The following GIT2 variants were observed in gnomAD, a reference collection of about 807,000 sequenced individuals.
GIT2 encodes GIT ArfGAP 2.
GIT2 carries 32 observed loss-of-function variants against 100.3 expected under a neutral mutation model. That is an observed-to-expected ratio of 0.32 (90% CI 0.24 to 0.43). The LOEUF is 0.43. GIT2 is among the 20% of genes least tolerant of loss of function. The pLI is 1.00. For missense variants in GIT2, 737 were observed against 975.1 expected, an observed-to-expected ratio of 0.76 and a Z score of 3.25; for synonymous variants, 353 against 364.1, an observed-to-expected ratio of 0.97 and a Z score of 0.35.
At chr12:109,958,343 G>A (rs1298971985) in intron 12 of GIT2, among the ~76,000 whole-genome samples, 5 of 151,718 alleles carry the variant, frequency 3.3e-5, no homozygotes, top group Non-Finnish European at 4.4e-5. Context: ...CCAGGTTCAC[G>A]CAATTCTCCT....
At chr12:109,952,735 C>G in intron 13 of GIT2, 1 of 465,704 alleles carries the variant, frequency 2.1e-6, no homozygotes, top group Non-Finnish European at 4.2e-6. Context: ...GTGTGTGCTT[C>G]GTATGACACA....
intron 12 of GIT2, among the ~76,000 whole-genome samples, chr12:109,957,599 C>T (rs542343021): frequency 2.4e-3 from 367 of 151,816 alleles, no homozygotes; most frequent in Non-Finnish European, 4.1e-3. Flanking sequence ...CTCCACCTCC[C>T]GGGTTCACGC....
chr12:109,936,365 G>A (rs1412013969), intron 18 of GIT2, among the ~76,000 whole-genome samples: 3 of 151,144 alleles, frequency 2.0e-5, no homozygotes. Flanking sequence ...ATTGTACCAA[G>A]CACCATATTG....
In GIT2 at chr12:109,978,329, C is replaced by T. The variant is rs1024332250; in HGVS notation, c.718+2623G>A. Among the ~76,000 whole-genome samples the T allele has an allele frequency of 2.6e-5, 4 of 152,062 alleles. No individual in the cohort carries two copies. In the East Asian group the frequency reaches 5.8e-4, roughly 22 times the overall value. Reference sequence around the variant, plus strand: ...AACTCCCAACCTCAAATGATCTGCCCGCCTCAGCCTCCCAAAGTGCTGGGA... The same window carrying T: ...AACTCCCAACCTCAAATGATCTGCCTGCCTCAGCCTCCCAAAGTGCTGGGA... On this transcript the variant is annotated intron_variant, in intron 7 of 19. Coordinates refer to ENST00000355312, the MANE Select transcript of GIT2 (RefSeq NM_057169.5).
chr12:109,977,141 T>C (rs1254492319), intron 7 of GIT2, among the ~76,000 whole-genome samples: 1 of 152,200 alleles, frequency 6.6e-6, no homozygotes, highest in African/African-American at 2.4e-5. Flanking sequence ...GTTATTTTCA[T>C]TGGATATAGA....
rs756018967 is a variant in GIT2, at chr12:109,967,512, G to C, written c.719-9C>G. The stretch of plus-strand genomic sequence containing the variant: ...CTGTCCATTTTTGTGATCTGAAACA[G>C]AAACCAAGTCAAAGTTTTGTTCATA... On this transcript the variant is annotated splice_polypyrimidine_tract_variant and intron_variant, in intron 7 of 19. Coordinates refer to ENST00000355312, the MANE Select transcript of GIT2 (RefSeq NM_057169.5). The C allele has an allele frequency of 6.3e-7, 1 of 1,579,206 alleles. No homozygotes were observed. The highest frequency in any genetic ancestry group is 1.3e-5 in the African/African-American group (1 of 74,194).
Position 109,983,359 on chromosome 12 carries a change from T to A in GIT2, c.623+14A>T. The A allele has an allele frequency of 6.2e-7, 1 of 1,609,750 alleles. No homozygotes were observed. The highest frequency in any genetic ancestry group is 2.2e-5 in the East Asian group (1 of 44,880). On this transcript the variant is annotated intron_variant, in intron 6 of 19. Coordinates refer to ENST00000355312, the MANE Select transcript of GIT2 (RefSeq NM_057169.5). ...AAATCCCAGAGAGAAGTAGCGAGAA[T>A]CTAGGTCTCTTACCTTGCATAATCA...
intron 4 of GIT2, among the ~76,000 whole-genome samples, chr12:109,985,227 CAAGT>C (rs2136866313): frequency 6.6e-6 from 1 of 152,062 alleles, no homozygotes; most frequent in South Asian, 2.1e-4. Context: ...CTCAGCCTCC[CAAGT>C]AGCTAGTATT....
Position 109,938,983 on chromosome 12 carries a change from G to A in GIT2, c.1814+182C>T, listed in dbSNP as rs1565934680. The A allele has an allele frequency of 1.0e-5, 6 of 579,606 alleles. No homozygotes were observed. In the East Asian group the frequency reaches 1.5e-4, roughly 14 times the overall value. The allele number at this position is 579,606 out of a possible 1,614,324, so 35.9% of individuals were successfully genotyped here. ...GCTGGTACAAAGAAAAAGGCCTTTCGGCAACAATGTGAGATGACAAGACAT... is the reference window on the plus strand; with the variant it reads ...GCTGGTACAAAGAAAAAGGCCTTTCAGCAACAATGTGAGATGACAAGACAT... On this transcript the variant is annotated intron_variant, in intron 17 of 19. Coordinates refer to ENST00000355312, the MANE Select transcript of GIT2 (RefSeq NM_057169.5).
intron 2 of GIT2, among the ~76,000 whole-genome samples, chr12:109,990,519 G>C (rs1253417397): frequency 2.0e-5 from 3 of 152,156 alleles, no homozygotes; most frequent in Non-Finnish European, 4.4e-5. Context: ...TCCTAAAACA[G>C]CCCCATCTGT....
Position 109,932,970 on chromosome 12 carries a change from T to C in GIT2, c.*8A>G, listed in dbSNP as rs1871913201. 2.6e-6 allele frequency: 4 copies of C among 1,557,466 alleles called. No homozygotes were observed. Among genetic ancestry groups the C allele is most frequent in the Non-Finnish European group, 3.5e-6 (4 of 1,129,254 alleles). On this transcript the variant is annotated 3_prime_UTR_variant, in exon 20 of 20. Coordinates refer to ENST00000355312, the MANE Select transcript of GIT2 (RefSeq NM_057169.5). ...CTAGAAAACAGAGGAGGCGGTGCCC[T>C]GCCCTTGTCAGTTGTTGTTCTCTTT...
chr12:109,989,107 A>G, intron 3 of GIT2, 39 bp from the exon 4 acceptor site: 1 of 1,161,482 alleles, frequency 8.6e-7, no homozygotes, highest in Non-Finnish European at 1.3e-6. Flanking sequence ...TCACTCGTTC[A>G]GATACAACAA....
intron 6 of GIT2, chr12:109,981,248 C>A: frequency 4.1e-6 from 2 of 488,234 alleles, no homozygotes; most frequent in South Asian, 3.0e-5. Flanking sequence ...TGAACTATCG[C>A]CTTTCCTTTA....
At chr12:109,964,185 C>T (rs1881724114) in intron 9 of GIT2, among the ~76,000 whole-genome samples, 1 of 152,098 alleles carries the variant, frequency 6.6e-6, no homozygotes, top group South Asian at 2.1e-4. Flanking sequence ...ATATTTAGTG[C>T]TATCTGACTC....
chr12:109,964,464 T>A (rs755152881), intron 9 of GIT2, among the ~76,000 whole-genome samples: 12 of 152,008 alleles, frequency 7.9e-5, no homozygotes, highest in Non-Finnish European at 1.2e-4. Context: ...AATGTCAGAG[T>A]CAGGCTTTGG....
chr12:109,958,481 G>A (rs532854997), intron 12 of GIT2, among the ~76,000 whole-genome samples: 1 of 151,964 alleles, frequency 6.6e-6, no homozygotes, highest in East Asian at 1.9e-4. Flanking sequence ...GACCTCAAAT[G>A]ATCTGTCCGC....
chr12:109,940,970 T>G (rs1874500822), intron 16 of GIT2, among the ~76,000 whole-genome samples: 1 of 150,392 alleles, frequency 6.6e-6, no homozygotes, highest in South Asian at 2.1e-4. Flanking sequence ...CACTCCTTAC[T>G]GATAACACCT....
intron 1 of GIT2, among the ~76,000 whole-genome samples, chr12:109,994,861 G>C (rs1044423180): frequency 6.6e-6 from 1 of 152,140 alleles, no homozygotes; most frequent in Non-Finnish European, 1.5e-5. Flanking sequence ...GATGGAGTTT[G>C]TATAACTCAC....
In GIT2 at chr12:109,957,011, C is replaced by T. The variant is rs113161837; in HGVS notation, c.1099+2836G>A. ...CCAGCCTGGGCGACAGAGTGAGACTCGTCTCAAAAAAAAAAAAACAAAACA... is the reference window on the plus strand; with the variant it reads ...CCAGCCTGGGCGACAGAGTGAGACTTGTCTCAAAAAAAAAAAAACAAAACA... On this transcript the variant is annotated intron_variant, in intron 12 of 19. Transcript: ENST00000355312. Among the ~76,000 whole-genome samples the T allele has an allele frequency of 1.0e-4, 15 of 147,706 alleles. 1 individual carries two copies. The highest frequency in any genetic ancestry group is 3.3e-4 in the African/African-American group (13 of 39,872).
Sources: gnomAD v4.1 joint callset for allele counts (sites outside exome capture counted in the v4.1 genomes callset) on GRCh38, gnomAD v4.1.1 for gene constraint, MANE v1.5 for transcripts, NCBI Gene and HGNC (gene_info 2026-07-23, HGNC 2026-07-21) for gene names.